The following PCDHA6 variants were observed in gnomAD, a reference collection of about 807,000 sequenced individuals.
The protein encoded by PCDHA6 is protocadherin alpha 6.
Under a neutral mutation model 60.3 loss-of-function variants are expected in PCDHA6, and 55 were observed. The observed-to-expected ratio is 0.91, with a 90% confidence interval of 0.73 to 1.14. The LOEUF is 1.14. Among genes scored for constraint, PCDHA6 ranks in the 50% most tolerant of loss-of-function variants. The probability of loss-of-function intolerance (pLI) is 0.00; values close to 1 mark genes in which losing one functional copy is unlikely to be tolerated. For missense variants in PCDHA6, 1,327 were observed against 1,256.5 expected (o/e 1.06, Z -0.85); for synonymous variants, 652 against 557.9 (o/e 1.17, Z -2.38).
At position 140,839,044 on chromosome 5, in the gene PCDHA6, C is replaced by A. The variant is rs2150294320; in HGVS notation, c.2394+8559C>A. 1.3e-3 allele frequency among the ~76,000 whole-genome samples: 202 copies of A among 152,030 alleles called. 2 individuals are homozygous for A. Among genetic ancestry groups the A allele is most frequent in the Non-Finnish European group, 2.1e-3 (142 of 67,974 alleles). On this transcript the variant is annotated intron_variant, in intron 1 of 3. Transcript: ENST00000529310. ...GGATATGTTACTGTTTTCTTTTCAACGTGAATAAGGATAGAGGTATGCAAA... is the reference window on the plus strand; with the variant it reads ...GGATATGTTACTGTTTTCTTTTCAAAGTGAATAAGGATAGAGGTATGCAAA...
Position 140,855,923 on chromosome 5 carries a change from A to T in PCDHA6, c.2394+25438A>T, listed in dbSNP as rs1424860955. On this transcript the variant is annotated intron_variant, in intron 1 of 3. Coordinates refer to ENST00000529310, the MANE Select transcript of PCDHA6 (RefSeq NM_018909.4). Reference sequence around the variant, plus strand: ...GCCAGTTTCTCAAGGACTAGGAAGTAGCGTCATTCTGAGATCTCAGCCATT... The same window carrying T: ...GCCAGTTTCTCAAGGACTAGGAAGTTGCGTCATTCTGAGATCTCAGCCATT... 7.3e-6 allele frequency: 9 copies of T among 1,229,146 alleles called. No individual in the cohort carries two copies. In the South Asian group the frequency reaches 1.4e-4, roughly 19 times the overall value. 76.1% of individuals were successfully genotyped at this position (1,229,146 alleles called of 1,614,324 possible).
intron 1 of PCDHA6, among the ~76,000 whole-genome samples, chr5:140,898,545 C>CCG (rs2153461002): frequency 1.3e-5 from 2 of 152,322 alleles, no homozygotes; most frequent in East Asian, 3.9e-4. Context: ...TTCCATTTAT[C>CCG]TATGTCTCTG....
At chr5:140,924,992 G>T (rs1383717650) in intron 1 of PCDHA6, among the ~76,000 whole-genome samples, 3 of 151,676 alleles carry the variant, frequency 2.0e-5, no homozygotes, top group African/African-American at 7.3e-5. Context: ...TGTAATCCTA[G>T]CACTTTAGGA....
chr5:140,882,932 C>G (rs946510478), intron 1 of PCDHA6: 1 of 1,614,196 alleles, frequency 6.2e-7, no homozygotes, highest in Admixed American at 1.7e-5. Flanking sequence ...TAAACCCGAG[C>G]TGACTGGCAC....
In PCDHA6 at chr5:140,994,514, G is replaced by A. The variant is rs186617066; in HGVS notation, c.2542+11951G>A. On this transcript the variant is annotated intron_variant, in intron 3 of 3. Transcript: ENST00000529310. Reference sequence around the variant, plus strand: ...ACCCAGGAGTTTGAGAACAGCCTGGGCAACATGGCAAAACCCCATCTCTAC... The same window carrying A: ...ACCCAGGAGTTTGAGAACAGCCTGGACAACATGGCAAAACCCCATCTCTAC... Among the ~76,000 whole-genome samples, 76 of 150,406 alleles carry A rather than the reference G, an allele frequency of 5.1e-4. 1 individual carries two copies. The highest frequency in any genetic ancestry group is 8.8e-5 in the Non-Finnish European group (6 of 67,822).
chr5:140,884,383 C>T lies in PCDHA6; in HGVS notation c.2394+53898C>T, dbSNP rs185410866. The T allele has an allele frequency of 5.2e-5, 84 of 1,613,994 alleles. No homozygotes were observed. In the Admixed American group the frequency reaches 1.4e-3, roughly 27 times the overall value. ...ATGTTTACTTGATCATTGCCATCTG[C>T]GCGGTGTCCAGCCTGTTGGTGCTCA... On this transcript the variant is annotated intron_variant, in intron 1 of 3. Transcript: ENST00000529310.
Position 140,838,077 on chromosome 5 carries a change from AGTGTGTGTGTGTGTG to A in PCDHA6, c.2394+7593_2394+7607del, listed in dbSNP as rs1775482926. Among the ~76,000 whole-genome samples, 4 of 80,664 alleles carry A rather than the reference AGTGTGTGTGTGTGTG, an allele frequency of 5.0e-5. 1 individual carries two copies. Among genetic ancestry groups the A allele is most frequent in the African/African-American group, 2.5e-4 (4 of 16,244 alleles). The allele number at this position is 80,664 out of a possible 152,430, so 52.9% of individuals were successfully genotyped here. On this transcript the variant is annotated intron_variant, in intron 1 of 3. Transcript: ENST00000529310. ...TTTCCACTTTAAGTTATATATATATAGTGTGTGTGTGTGTGTGTGTGTGTGTGTGTGTGTGTGTGT... is the reference window on the plus strand; with the variant it reads ...TTTCCACTTTAAGTTATATATATATATGTGTGTGTGTGTGTGTGTGTGTGT...
At position 140,830,073 on chromosome 5, in the gene PCDHA6, C is replaced by T. The variant is rs2150180623; in HGVS notation, c.1982C>T (p.Ala661Val). The change falls in exon 1 of 4, where the codon GCG becomes GTG. Residue 661 changes from alanine (A) to valine (V), a missense_variant. By Grantham distance (64) the Ala-to-Val change is moderately conservative. Transcript: ENST00000529310. ...GACCACGGTGAGCCGGCGCTGACAGCGACGGCCACGGTTCTGGTGTCGCTG... is the reference window on the plus strand; with the variant it reads ...GACCACGGTGAGCCGGCGCTGACAGTGACGGCCACGGTTCTGGTGTCGCTG... ...VKDHGEPALT[A>V]TATVLVSLVE... 6.2e-7 allele frequency: 1 copy of T among 1,613,470 alleles called. No individual in the cohort carries two copies. Among genetic ancestry groups the T allele is most frequent in the African/African-American group, 1.3e-5 (1 of 74,898 alleles).
rs201231291 is a variant in PCDHA6, at chr5:140,849,957, G to T, written c.2394+19472G>T. ...GCGGGACGCTGACGCGCAGGAGAAC[G>T]CCCTGGTGTCCTACTCGCTGGTGGA... On this transcript the variant is annotated intron_variant, in intron 1 of 3. Coordinates refer to ENST00000529310, the MANE Select transcript of PCDHA6 (RefSeq NM_018909.4). 28 of 1,597,916 alleles carry T rather than the reference G, an allele frequency of 1.8e-5. 1 individual carries two copies. The East Asian group carries it at 6.0e-4, about 34-fold the overall frequency.
chr5:140,858,380 C>G, intron 1 of PCDHA6: 1 of 1,583,962 alleles, frequency 6.3e-7, no homozygotes, highest in South Asian at 1.1e-5. Context: ...TCCACCATGC[C>G]CAATGGTAGA....
chr5:140,861,303 G>A (rs1290097316), intron 1 of PCDHA6: 2 of 189,476 alleles, frequency 1.1e-5, no homozygotes, highest in Non-Finnish European at 2.2e-5. Context: ...TGTGAAGCGG[G>A]AAAGGACCAG....
At chr5:140,967,072 C>T in intron 1 of PCDHA6, 1 of 1,613,106 alleles carries the variant, frequency 6.2e-7, no homozygotes, top group Non-Finnish European at 8.5e-7. Flanking sequence ...TCTTCGTCAA[C>T]GAGCGCATTG....
At chr5:140,946,191 CAAAAG>C (rs2093900144) in intron 1 of PCDHA6, among the ~76,000 whole-genome samples, 1 of 151,950 alleles carries the variant, frequency 6.6e-6, no homozygotes, top group Non-Finnish European at 1.5e-5. Flanking sequence ...AGACATTTCT[CAAAAG>C]AAAGCACACA....
At chr5:140,870,099 C>T in intron 1 of PCDHA6, 8 of 1,613,912 alleles carry the variant, frequency 5.0e-6, no homozygotes, top group Non-Finnish European at 6.8e-6. Context: ...TGGCAGGTCA[C>T]TGTACAGTCT....
At chr5:140,929,093 A>G in intron 1 of PCDHA6, 1 of 1,614,194 alleles carries the variant, frequency 6.2e-7, no homozygotes, top group Non-Finnish European at 8.5e-7. Flanking sequence ...ATGGTTTCAA[A>G]TCCTTGCATG....
chr5:140,875,803 G>C (rs370212231), intron 1 of PCDHA6: 17 of 1,614,218 alleles, frequency 1.1e-5, no homozygotes, highest in Non-Finnish European at 1.4e-5. Context: ...GGTGATCGTG[G>C]ACAGGCCGCT....
At position 140,829,554 on chromosome 5, in the gene PCDHA6, C is replaced by A; in HGVS notation, c.1463C>A (p.Ala488Glu). 7 of 1,612,816 alleles carry A rather than the reference C, an allele frequency of 4.3e-6. No individual in the cohort carries two copies. Among genetic ancestry groups the A allele is most frequent in the Non-Finnish European group, 5.9e-6 (7 of 1,179,836 alleles). The part of the protein sequence containing the change: ...SARDADAQEN[A>E]LVSYSLVERR... ...CGAGACGCGGACGCGCAGGAGAACG[C>A]GCTGGTGTCCTACTCGCTGGTGGAG... The change falls in exon 1 of 4, where the codon GCG becomes GAG. Residue 488 changes from alanine to glutamate, a missense_variant. Transcript: ENST00000529310.
intron 1 of PCDHA6, chr5:140,848,264 T>G (rs1156785908): frequency 4.1e-6 from 2 of 490,594 alleles, no homozygotes; most frequent in Non-Finnish European, 7.2e-6. Context: ...GAAATTTTTA[T>G]TCATGAAATA....
intron 3 of PCDHA6, among the ~76,000 whole-genome samples, chr5:140,997,644 ATGCAATAT>A (rs1287449551): frequency 7.9e-5 from 12 of 151,656 alleles, no homozygotes; most frequent in African/African-American, 2.9e-4. Flanking sequence ...AAATGGGATA[ATGCAATAT>A]GTATTATTAT....
Sources: allele counts gnomAD v4.1 joint callset (sites outside exome capture counted in the v4.1 genomes callset), GRCh38; gene constraint gnomAD v4.1.1; transcripts MANE v1.5; gene names NCBI Gene and HGNC (gene_info 2026-07-23, HGNC 2026-07-21).